Variants in AKT3 observed in about 807,000 individuals in gnomAD.
The protein encoded by AKT3 is RAC-gamma serine/threonine-protein kinase.
AKT3 carries 15 observed loss-of-function variants against 65.3 expected under a neutral mutation model. The ratio of observed to expected loss-of-function variants is 0.23; its 90% CI spans 0.15 to 0.35. The LOEUF (loss-of-function observed/expected upper bound fraction) is 0.35, where lower values mean the gene tolerates loss of function less well. AKT3 is among the 10% of genes least tolerant of loss of function. The pLI is 1.00. For synonymous variants in AKT3, 206 were observed against 183.8 expected, an observed-to-expected ratio of 1.12 and a Z score of -0.98; for missense variants, 243 against 576.5, an observed-to-expected ratio of 0.42 and a Z score of 5.92.
chr1:243,571,531 A>G (rs6688251), intron 9 of AKT3, among the ~76,000 whole-genome samples: 1,542 of 152,296 alleles, frequency 0.01, 19 homozygotes, highest in African/African-American at 0.035. Context: ...CTAAGCCTCC[A>G]TGCTTCTATC....
chr1:243,623,650 A>C (rs2148626148), intron 6 of AKT3, among the ~76,000 whole-genome samples: 1 of 152,226 alleles, frequency 6.6e-6, no homozygotes, highest in South Asian at 2.1e-4. Flanking sequence ...GCAACTCCCT[A>C]GTTTCCCACC....
At position 243,802,696 on chromosome 1, in the gene AKT3, A is replaced by C. The variant is rs1217192090; in HGVS notation, c.46+40429T>G. Among the ~76,000 whole-genome samples, 4 of 152,186 alleles carry C rather than the reference A, an allele frequency of 2.6e-5. No individual in the cohort carries two copies. The East Asian group carries it at 7.7e-4, about 29-fold the overall frequency. On this transcript the variant is annotated intron_variant, in intron 2 of 13. Transcript: ENST00000673466. ...GCTAGACAAAATTTCTAATCCATCCATTTATTTTTACAGGCAAGAAAACAA... is the reference window on the plus strand; with the variant it reads ...GCTAGACAAAATTTCTAATCCATCCCTTTATTTTTACAGGCAAGAAAACAA...
At chr1:243,492,519 G>A (rs1574408472) in intron 13 of AKT3, among the ~76,000 whole-genome samples, 1 of 150,452 alleles carries the variant, frequency 6.6e-6, no homozygotes, top group African/African-American at 2.5e-5. Context: ...GGCCAGGCTG[G>A]TCTTGAACTC....
intron 2 of AKT3, among the ~76,000 whole-genome samples, chr1:243,744,194 T>C (rs1231114398): frequency 1.3e-5 from 2 of 152,168 alleles, no homozygotes; most frequent in African/African-American, 4.8e-5. Context: ...AAATAAAATT[T>C]TGAAAAAGCC....
intron 3 of AKT3, among the ~76,000 whole-genome samples, chr1:243,673,181 T>C (rs1683268854): frequency 1.3e-5 from 2 of 152,196 alleles, no homozygotes; most frequent in South Asian, 4.1e-4. Flanking sequence ...ATTCAAATTG[T>C]TGTGTGGGCA....
Sources: allele counts gnomAD v4.1 joint callset (sites outside exome capture counted in the v4.1 genomes callset), GRCh38; gene constraint gnomAD v4.1.1; transcripts MANE v1.5; gene names NCBI Gene and HGNC (gene_info 2026-07-23, HGNC 2026-07-21).